Variants in ANK2 observed in about 807,000 individuals in gnomAD.
The protein encoded by ANK2 is ankyrin 2, also known as ankyrin-2.
Under a neutral mutation model 360.5 loss-of-function variants are expected in ANK2, and 83 were observed. The observed-to-expected ratio is 0.23, with a 90% CI of 0.19 to 0.28. ANK2 has a LOEUF of 0.28. ANK2 is among the 10% of genes least tolerant of loss of function. The pLI, the probability that ANK2 is intolerant of heterozygous loss-of-function variation, is 1.00. For missense variants in ANK2, 4,201 were observed against 4,795.7 expected (o/e 0.88, Z 3.66); for synonymous variants, 1,740 against 1,759.5 (o/e 0.99, Z 0.28).
the ANK2 span, among the ~76,000 whole-genome samples, chr4:112,711,833 A>T: frequency 6.6e-6 from 1 of 150,838 alleles, no homozygotes. Context: ...AAAATAAAAT[A>T]AAATAAAAAT....
intron 40 of ANK2, 38 bp downstream of exon 40, chr4:113,363,507 G>A: frequency 6.2e-7 from 1 of 1,611,888 alleles, no homozygotes. Flanking sequence ...GCTAAAGTTG[G>A]ACATGTCTTG....
chr4:112,867,102 C>T (rs1182679383), intron 1 of ANK2, among the ~76,000 whole-genome samples: 1 of 151,894 alleles, frequency 6.6e-6, no homozygotes, highest in Non-Finnish European at 1.5e-5. Context: ...TTCATAATTA[C>T]CTTTTTTTTT....
At chr4:113,021,046 T>A (rs1284627329) in intron 2 of ANK2, among the ~76,000 whole-genome samples, 1 of 152,170 alleles carries the variant, frequency 6.6e-6, no homozygotes, top group Non-Finnish European at 1.5e-5. Flanking sequence ...TAATAAATAA[T>A]AACAGCATGG....
intron 2 of ANK2, among the ~76,000 whole-genome samples, chr4:113,186,808 G>T (rs1284092230): frequency 6.6e-6 from 1 of 152,174 alleles, no homozygotes; most frequent in Non-Finnish European, 1.5e-5. Context: ...GAATTCGTCA[G>T]AATTAAGCAG....
chr4:112,748,474 A>C, the ANK2 span, among the ~76,000 whole-genome samples: 2 of 152,244 alleles, frequency 1.3e-5, no homozygotes, highest in Admixed American at 1.3e-4. Flanking sequence ...CTGGAGAGGC[A>C]TAGCTTAATG....
At chr4:112,912,107 G>A (rs997370989) in intron 2 of ANK2, among the ~76,000 whole-genome samples, 2 of 151,882 alleles carry the variant, frequency 1.3e-5, no homozygotes, top group Non-Finnish European at 2.9e-5. Flanking sequence ...GACCCCGGAG[G>A]TGGAGTTTGC....
intron 1 of ANK2, 131 bp downstream of exon 1, chr4:113,049,943 C>A: frequency 1.7e-6 from 2 of 1,210,138 alleles, no homozygotes; most frequent in East Asian, 2.7e-5. Flanking sequence ...AGTGCCAAGC[C>A]TTGCTTTTTA....
At chr4:113,060,922 A>G (rs932739182) in intron 1 of ANK2, among the ~76,000 whole-genome samples, 4 of 151,984 alleles carry the variant, frequency 2.6e-5, no homozygotes, top group Non-Finnish European at 4.4e-5. Flanking sequence ...AGCCTCTCTA[A>G]TATAAGGGGG....
the ANK2 span, among the ~76,000 whole-genome samples, chr4:112,736,335 C>T: frequency 2.6e-4 from 39 of 151,938 alleles, no homozygotes; most frequent in Admixed American, 5.3e-4. Context: ...TGGCAGCCTG[C>T]GCCTATATAG....
At chr4:113,264,353 T>A (rs2054700709) in intron 13 of ANK2, among the ~76,000 whole-genome samples, 1 of 152,184 alleles carries the variant, frequency 6.6e-6, no homozygotes, top group South Asian at 2.1e-4. Context: ...TGTGATCACA[T>A]AGTTAAGTGA....
chr4:112,961,371 T>C (rs1464993117), intron 2 of ANK2, among the ~76,000 whole-genome samples: 1 of 152,184 alleles, frequency 6.6e-6, no homozygotes, highest in Non-Finnish European at 1.5e-5. Context: ...TTATTGTTTC[T>C]ATCTCAGAAA....
In ANK2 at chr4:113,336,771, C is replaced by G. The variant is rs1245737444; in HGVS notation, c.3786C>G (p.Cys1262Trp). 6.2e-7 allele frequency: 1 copy of G among 1,613,894 alleles called. No homozygotes were observed. The highest frequency in any genetic ancestry group is 1.7e-5 in the Admixed American group (1 of 60,002). ...GGDAPTLRLLCSITGGTTPAQ... is the reference protein window; with the variant it reads ...GGDAPTLRLLWSITGGTTPAQ... ...ATGCACCAACCTTAAGATTACTATG[C>G]AGCATAACAGGTGAGTCACATATGA... The change falls in exon 31 of 46, where the codon TGC becomes TGG. Residue 1262 changes from cysteine (C) to tryptophan (W), a missense_variant. Coordinates refer to ENST00000357077, the MANE Select transcript of ANK2 (RefSeq NM_001148.6).
intron 4 of ANK2, among the ~76,000 whole-genome samples, chr4:113,218,970 G>A (rs1159798901): frequency 6.6e-6 from 1 of 152,088 alleles, no homozygotes; most frequent in Non-Finnish European, 1.5e-5. Context: ...GAAAATAAAA[G>A]CACCCTATAG....
chr4:113,176,738 T>C (rs1301436875), intron 2 of ANK2, among the ~76,000 whole-genome samples: 1 of 152,142 alleles, frequency 6.6e-6, no homozygotes, highest in Non-Finnish European at 1.5e-5. Context: ...CATTAACTCG[T>C]CAATTACATT....
chr4:112,815,474 G>A (rs2055563542), upstream of ANK2, among the ~76,000 whole-genome samples: 1 of 152,168 alleles, frequency 6.6e-6, no homozygotes, highest in Non-Finnish European at 1.5e-5. Context: ...CCTAGATAAT[G>A]AGGAGAGATT....
chr4:113,316,271 G>A (rs187936930), intron 24 of ANK2, among the ~76,000 whole-genome samples: 1 of 152,250 alleles, frequency 6.6e-6, no homozygotes, highest in East Asian at 1.9e-4. Context: ...ATGTGTTAAC[G>A]CAAGGATCAG....
intron 1 of ANK2, among the ~76,000 whole-genome samples, chr4:112,862,748 TA>T (rs1459263173): frequency 6.6e-6 from 1 of 152,186 alleles, no homozygotes; most frequent in Non-Finnish European, 1.5e-5. Context: ...AGGCATGAGA[TA>T]AATGTTTTTT....
At chr4:113,004,321 T>C (rs995458790) in intron 2 of ANK2, among the ~76,000 whole-genome samples, 1 of 152,228 alleles carries the variant, frequency 6.6e-6, no homozygotes, top group South Asian at 2.1e-4. Flanking sequence ...AATTAGGATA[T>C]AAAGAAATTT....
chr4:112,791,484 T>C, the ANK2 span, among the ~76,000 whole-genome samples: 30,071 of 115,324 alleles, frequency 0.26, 1,606 homozygotes, highest in African/African-American at 0.32. Flanking sequence ...TTCTTCTTTT[T>C]TTTTTTTTTT....
Sources: allele counts gnomAD v4.1 joint callset (sites outside exome capture counted in the v4.1 genomes callset), GRCh38; gene constraint gnomAD v4.1.1; transcripts MANE v1.5; gene names NCBI Gene and HGNC (gene_info 2026-07-23, HGNC 2026-07-21).